Variants in MRAP2 observed in about 807,000 individuals in gnomAD.
The protein encoded by MRAP2 is melanocortin-2 receptor accessory protein 2.
A neutral mutation model predicts 17.4 loss-of-function variants in MRAP2; 20 were observed. That is an observed-to-expected ratio of 1.15 (90% CI 0.81 to 1.67). MRAP2 has a LOEUF of 1.67. Ranked by LOEUF, MRAP2 falls within the 40% of genes most tolerant of loss-of-function variation. MRAP2 has a pLI of 0.00. For synonymous variants in MRAP2, 96 were observed against 88.4 expected, an observed-to-expected ratio of 1.09 and a Z score of -0.48; for missense variants, 238 against 240.0, an observed-to-expected ratio of 0.99 and a Z score of 0.05.
chr6:84,062,856 C>T (rs367861377), intron 2 of MRAP2, 37 bp from the exon 3 acceptor site: 34 of 1,613,270 alleles, frequency 2.1e-5, no homozygotes, highest in Middle Eastern at 1.6e-4. Flanking sequence ...TTTTAAACTA[C>T]TGTGAAATAC....
chr6:84,126,389 C>T, the MRAP2 span: 2 of 1,591,542 alleles, frequency 1.3e-6, no homozygotes, highest in East Asian at 2.3e-5. Flanking sequence ...TGTTGAAGTT[C>T]CTGTTCTCTT....
the MRAP2 span, among the ~76,000 whole-genome samples, chr6:84,137,796 C>T: frequency 2.6e-5 from 4 of 151,872 alleles, no homozygotes; most frequent in Non-Finnish European, 4.4e-5. Context: ...AATATTAAAA[C>T]TCTAGAATAT....
At chr6:84,034,042 G>A (rs1356936910) in intron 1 of MRAP2, among the ~76,000 whole-genome samples, 159 bp downstream of exon 1, 1 of 152,122 alleles carries the variant, frequency 6.6e-6, no homozygotes, top group Non-Finnish European at 1.5e-5. Context: ...GAATTGGGGT[G>A]TGAGGACGCC....
intron 1 of MRAP2, among the ~76,000 whole-genome samples, chr6:84,050,439 T>A (rs2099490141): frequency 6.6e-6 from 1 of 152,206 alleles, no homozygotes; most frequent in Non-Finnish European, 1.5e-5. Flanking sequence ...ATTCATAACC[T>A]TGAAGTCTCT....
the MRAP2 span, among the ~76,000 whole-genome samples, chr6:84,127,492 A>G: frequency 1.3e-5 from 2 of 152,110 alleles, no homozygotes; most frequent in Non-Finnish European, 2.9e-5. Context: ...CAGAGAGCTC[A>G]GGGAGAGGCC....
chr6:84,092,936 C>A (rs181397925), downstream of MRAP2, among the ~76,000 whole-genome samples: 1 of 152,296 alleles, frequency 6.6e-6, no homozygotes, highest in Admixed American at 6.5e-5. Flanking sequence ...ACAAATCCTT[C>A]AAACTGGGAA....
chr6:84,080,194 C>T (rs908234217), intron 3 of MRAP2, among the ~76,000 whole-genome samples: 9 of 151,960 alleles, frequency 5.9e-5, no homozygotes, highest in Non-Finnish European at 8.8e-5. Flanking sequence ...CCACCACACC[C>T]GGCTAATTAT....
intron 2 of MRAP2, among the ~76,000 whole-genome samples, chr6:84,058,445 A>T (rs1227532889): frequency 6.6e-6 from 1 of 152,200 alleles, no homozygotes. Flanking sequence ...CCTTTAACTG[A>T]GAGGGGGAAG....
intron 1 of MRAP2, among the ~76,000 whole-genome samples, chr6:84,054,468 G>A (rs1222169074): frequency 2.0e-5 from 3 of 152,176 alleles, no homozygotes; most frequent in Non-Finnish European, 2.9e-5. Flanking sequence ...GTAAGCAGTT[G>A]GACAAGTTGT....
At chr6:84,045,857 AATAG>A (rs570220018) in intron 1 of MRAP2, among the ~76,000 whole-genome samples, 119 of 152,360 alleles carry the variant, frequency 7.8e-4, no homozygotes, top group Admixed American at 2.6e-3. Context: ...CCATAATACA[AATAG>A]ATAGAGACCA....
Position 84,036,423 on chromosome 6 carries a change from C to G in MRAP2, c.-8+2540C>G, listed in dbSNP as rs1383209546. Among the ~76,000 whole-genome samples, 3 of 152,002 alleles carry G rather than the reference C, an allele frequency of 2.0e-5. No homozygotes were observed. In the East Asian group the frequency reaches 5.8e-4, roughly 29 times the overall value. ...TGACTTCAAGAATGAAGCCACGGACCCTTGCGGTGAGTGTTAACAGTTCTT... is the reference window on the plus strand; with the variant it reads ...TGACTTCAAGAATGAAGCCACGGACGCTTGCGGTGAGTGTTAACAGTTCTT... On this transcript the variant is annotated intron_variant, in intron 1 of 3. Coordinates refer to ENST00000257776, the MANE Select transcript of MRAP2 (RefSeq NM_138409.4).
chr6:84,094,280 C>T (rs952510942), downstream of MRAP2, among the ~76,000 whole-genome samples: 5 of 152,156 alleles, frequency 3.3e-5, no homozygotes, highest in African/African-American at 1.2e-4. Context: ...GCTTTCTCTC[C>T]AGAGCATGCT....
At chr6:84,118,276 C>G in the MRAP2 span, among the ~76,000 whole-genome samples, 1 of 152,034 alleles carries the variant, frequency 6.6e-6, no homozygotes, top group Non-Finnish European at 1.5e-5. Context: ...GCCCACAAAA[C>G]AGCCATGCTG....
intron 3 of MRAP2, among the ~76,000 whole-genome samples, chr6:84,066,004 AACACACAC>A (rs10684117): frequency 1.6e-4 from 23 of 142,520 alleles, no homozygotes; most frequent in Non-Finnish European, 2.7e-4. Context: ...TCTCTTTATA[AACACACAC>A]ACACACACAC....
At chr6:84,051,048 G>T (rs745665452) in intron 1 of MRAP2, among the ~76,000 whole-genome samples, 3 of 152,112 alleles carry the variant, frequency 2.0e-5, no homozygotes, top group Non-Finnish European at 2.9e-5. Context: ...TGCCTGGGTT[G>T]GTGGTCACTT....
the MRAP2 span, among the ~76,000 whole-genome samples, chr6:84,122,875 G>A: frequency 2.0e-5 from 3 of 152,040 alleles, no homozygotes; most frequent in African/African-American, 7.2e-5. Flanking sequence ...AGTGAGTTCA[G>A]TAAAGTTTCA....
chr6:84,037,013 C>T (rs2099486227), intron 1 of MRAP2, among the ~76,000 whole-genome samples: 1 of 152,000 alleles, frequency 6.6e-6, no homozygotes, highest in South Asian at 2.1e-4. Context: ...ACACAGAGGG[C>T]TGATTGGTGC....
intron 1 of MRAP2, among the ~76,000 whole-genome samples, chr6:84,050,495 C>G (rs2099490158): frequency 6.6e-6 from 1 of 152,122 alleles, no homozygotes; most frequent in Non-Finnish European, 1.5e-5. Flanking sequence ...GCTGGGTGCA[C>G]CATTGTTCTG....
Position 84,035,460 on chromosome 6 carries a change from T to C in MRAP2, c.-8+1577T>C, listed in dbSNP as rs73752609. The C allele has an allele frequency of 0.015, 14,354 of 975,824 alleles. 1,415 individuals carry two copies. The African/African-American group carries it at 0.22, about 15-fold the overall frequency. 60.4% of individuals were successfully genotyped at this position (975,824 alleles called of 1,614,324 possible). A position where few individuals can be genotyped will look rare whatever the true frequency, so the allele number is the denominator to read the frequency against. On this transcript the variant is annotated intron_variant, in intron 1 of 3. Coordinates refer to ENST00000257776, the MANE Select transcript of MRAP2 (RefSeq NM_138409.4). ...TCAGGGTATGCTGTATCCATTGTCT[T>C]CAAATGTGGGCTGTGACTCATTAGG... is the stretch of plus-strand genomic sequence containing the variant.
Sources: gnomAD v4.1 joint callset for allele counts (sites outside exome capture counted in the v4.1 genomes callset) on GRCh38, gnomAD v4.1.1 for gene constraint, MANE v1.5 for transcripts, NCBI Gene and HGNC (gene_info 2026-07-23, HGNC 2026-07-21) for gene names.